The following ABCG2 variants were observed in gnomAD, a reference collection of about 807,000 sequenced individuals.
ABCG2 encodes ATP binding cassette subfamily G member 2 (JR blood group), also known as broad substrate specificity ATP-binding cassette transporter ABCG2.
In ABCG2, 80 loss-of-function variants were observed where a neutral mutation model predicts 73.5. The observed-to-expected ratio is 1.09, with a 90% CI of 0.91 to 1.31. The LOEUF (loss-of-function observed/expected upper bound fraction) is 1.31, where lower values mean the gene tolerates loss of function less well. ABCG2 is among the 50% of genes most tolerant of loss of function. ABCG2 has a pLI of 0.00. For synonymous variants in ABCG2, 269 were observed against 282.4 expected, an observed-to-expected ratio of 0.95 and a Z score of 0.48; for missense variants, 796 against 786.2, an observed-to-expected ratio of 1.01 and a Z score of -0.15.
intron 1 of ABCG2, among the ~76,000 whole-genome samples, chr4:88,191,418 C>T (rs1483004510): frequency 6.6e-6 from 1 of 151,886 alleles, no homozygotes; most frequent in East Asian, 1.9e-4. Context: ...CACTTCATAC[C>T]CACTAAAATA....
At chr4:88,100,299 A>T (rs1722307019) in intron 11 of ABCG2, among the ~76,000 whole-genome samples, 1 of 152,096 alleles carries the variant, frequency 6.6e-6, no homozygotes, top group Admixed American at 6.6e-5. Flanking sequence ...CAGGAGTTTG[A>T]GACCAGCCTG....
At chr4:88,164,998 G>C (rs906840771) in intron 1 of ABCG2, among the ~76,000 whole-genome samples, 14 of 152,126 alleles carry the variant, frequency 9.2e-5, no homozygotes, top group Non-Finnish European at 2.1e-4. Context: ...AGCTGGTCTT[G>C]AACTCCTGGC....
Position 88,097,523 on chromosome 4 carries a change from G to A in ABCG2, c.1577C>T (p.Ala526Val). 6.2e-7 allele frequency: 1 copy of A among 1,614,144 alleles called. No homozygotes were observed. The highest frequency in any genetic ancestry group is 8.5e-7 in the Non-Finnish European group (1 of 1,180,004). The change falls in exon 13 of 16, where the codon GCC becomes GTC. Residue 526 changes from alanine (A) to valine (V), a missense_variant. Physicochemically the swap from Ala to Val is moderately conservative, Grantham distance 64 (BLOSUM62 0). Transcript: ENST00000237612. Reference sequence around the variant, plus strand: ...AACCACACTCTGACCTGCTGCTATGGCCAGTGCCATGGAACTGGCTGAATA... The same window carrying A: ...AACCACACTCTGACCTGCTGCTATGACCAGTGCCATGGAACTGGCTGAATA... ...VAYSASSMALAIAAGQSVVSV... is the reference protein window; with the variant it reads ...VAYSASSMALVIAAGQSVVSV...
At chr4:88,096,843 A>G (rs1421918909) in intron 13 of ABCG2, among the ~76,000 whole-genome samples, 2 of 152,154 alleles carry the variant, frequency 1.3e-5, no homozygotes, top group African/African-American at 4.8e-5. Context: ...CAATTTTCCA[A>G]TATTTTTAAA....
chr4:88,107,292 A>G lies in ABCG2; in HGVS notation c.1195-26T>C, dbSNP rs1722831253. 2.6e-6 allele frequency: 4 copies of G among 1,524,932 alleles called. No individual in the cohort carries two copies. The South Asian group carries it at 3.6e-5, about 14-fold the overall frequency. The allele number at this position is 1,524,932 out of a possible 1,614,324, so 94.5% of individuals were successfully genotyped here. A position where few individuals can be genotyped will look rare whatever the true frequency, so the allele number is the denominator to read the frequency against. On this transcript the variant is annotated intron_variant, in intron 9 of 15. Coordinates refer to ENST00000237612, the MANE Select transcript of ABCG2 (RefSeq NM_004827.3). Reference sequence around the variant, plus strand: ...CTTTTCAAAAAGAAAAATGCAAAAAAAGGGGAAGAGTTTCAATTAGAGATA... The same window carrying G: ...CTTTTCAAAAAGAAAAATGCAAAAAGAGGGGAAGAGTTTCAATTAGAGATA...
chr4:88,227,484 A>G (rs142346485), intron 1 of ABCG2, among the ~76,000 whole-genome samples: 1 of 152,358 alleles, frequency 6.6e-6, no homozygotes, highest in Non-Finnish European at 1.5e-5. Flanking sequence ...TTCTTTTAAA[A>G]TATTGACTGG....
chr4:88,186,561 A>G (rs532771023), intron 1 of ABCG2, among the ~76,000 whole-genome samples: 2 of 152,096 alleles, frequency 1.3e-5, no homozygotes, highest in South Asian at 4.2e-4. Flanking sequence ...AGATCACTTG[A>G]GATCAGGAGT....
rs1477520584 is a variant in ABCG2, at chr4:88,135,594, T to G, written c.204-2959A>C. 2.0e-5 allele frequency among the ~76,000 whole-genome samples: 3 copies of G among 146,522 alleles called. No homozygotes were observed. In the East Asian group the frequency reaches 6.7e-4, roughly 33 times the overall value. Reference sequence around the variant, plus strand: ...TCCAATTTAGGGTTGGGGCTCCCATTGGGTCTTCTAATCAATCCTTTTATC... The same window carrying G: ...TCCAATTTAGGGTTGGGGCTCCCATGGGGTCTTCTAATCAATCCTTTTATC... On this transcript the variant is annotated intron_variant, in intron 2 of 15. Transcript: ENST00000237612.
At chr4:88,153,728 CCTATCCAGTGAAAGTGT>C (rs1224982297) in intron 1 of ABCG2, among the ~76,000 whole-genome samples, 1 of 151,958 alleles carries the variant, frequency 6.6e-6, no homozygotes, top group Admixed American at 6.6e-5. Context: ...AAGGCCTCTA[CCTATCCAGTGAAAGTGT>C]CTACCCAGAC....
At chr4:88,110,237 C>A (rs1723041559) in intron 9 of ABCG2, among the ~76,000 whole-genome samples, 1 of 151,094 alleles carries the variant, frequency 6.6e-6, no homozygotes, top group African/African-American at 2.4e-5. Flanking sequence ...TGAAAGTTAC[C>A]TTTTTTTTTA....
At chr4:88,128,668 G>A (rs1354973717) in intron 5 of ABCG2, among the ~76,000 whole-genome samples, 4 of 152,096 alleles carry the variant, frequency 2.6e-5, no homozygotes, top group Non-Finnish European at 5.9e-5. Context: ...AACTAACACA[G>A]GAACAGAAAA....
chr4:88,131,151 C>T lies in ABCG2; in HGVS notation c.441G>A (p.Arg147=), dbSNP rs756746748. The T allele has an allele frequency of 2.2e-5, 35 of 1,614,018 alleles. No individual in the cohort carries two copies. In the South Asian group the frequency reaches 3.0e-4, roughly 14 times the overall value. Reference sequence around the variant, plus strand: ...CATGATTCGTCATAGTTGTTGCAAGCCGAAGAGCTGCTGAGAACTGTAAGT... The same window carrying T: ...CATGATTCGTCATAGTTGTTGCAAGTCGAAGAGCTGCTGAGAACTGTAAGT... ...RENLQFSAAL[R]LATTMTNHEK... Residue 147 remains arginine, a synonymous_variant, in exon 5 of 16, where the codon CGG becomes CGA. Transcript: ENST00000237612.
At chr4:88,094,538 T>A in intron 15 of ABCG2, 39 bp downstream of exon 15, 1 of 1,536,354 alleles carries the variant, frequency 6.5e-7, no homozygotes, top group African/African-American at 1.4e-5. Flanking sequence ...CACACCATGG[T>A]AGTAACAAAA....
At chr4:88,198,682 A>G (rs1729033790) in intron 1 of ABCG2, among the ~76,000 whole-genome samples, 3 of 152,188 alleles carry the variant, frequency 2.0e-5, no homozygotes, top group Admixed American at 2.0e-4. Context: ...AGTAGATGGC[A>G]TGTAATAAGA....
chr4:88,138,806 C>T (rs2110053692), intron 2 of ABCG2, among the ~76,000 whole-genome samples: 1 of 152,144 alleles, frequency 6.6e-6, no homozygotes, highest in South Asian at 2.1e-4. Context: ...TCTATTCATG[C>T]AGTAAAGATG....
intron 1 of ABCG2, among the ~76,000 whole-genome samples, chr4:88,145,481 G>A (rs890678411): frequency 6.6e-6 from 1 of 152,150 alleles, no homozygotes; most frequent in African/African-American, 2.4e-5. Context: ...CTGGCTAGGT[G>A]CTCTAGGACC....
Position 88,202,374 on chromosome 4 carries a change from A to ATATATATATATATG in ABCG2, c.-20+28619_-20+28620insCATATATATATATA, listed in dbSNP as rs1240795047. Among the ~76,000 whole-genome samples, 200 of 115,718 alleles carry ATATATATATATATG rather than the reference A, an allele frequency of 1.7e-3. 3 individuals carry two copies. The highest frequency in any genetic ancestry group is 4.9e-3 in the African/African-American group (156 of 31,760). The allele number at this position is 115,718 out of a possible 152,430, so 75.9% of individuals were successfully genotyped here. On this transcript the variant is annotated intron_variant, in intron 1 of 15. Transcript: ENST00000515655. ...ATTATTTATATATATATATATATATATATGTATATTTTAATTAGCTGGGCA... is the reference window on the plus strand; with the variant it reads ...ATTATTTATATATATATATATATATATATATATATATATGTATGTATATTTTAATTAGCTGGGCA...
At chr4:88,099,667 C>T (rs1722260615) in intron 11 of ABCG2, among the ~76,000 whole-genome samples, 1 of 152,194 alleles carries the variant, frequency 6.6e-6, no homozygotes, top group Admixed American at 6.5e-5. Context: ...CCCCTCTTCT[C>T]ATGACACTGT....
chr4:88,214,988 A>C (rs757249741), intron 1 of ABCG2, among the ~76,000 whole-genome samples: 4 of 151,800 alleles, frequency 2.6e-5, no homozygotes, highest in Non-Finnish European at 5.9e-5. Flanking sequence ...GCTATATGGG[A>C]GGCTGAGGCA....
Sources: allele counts gnomAD v4.1 joint callset (sites outside exome capture counted in the v4.1 genomes callset), GRCh38; gene constraint gnomAD v4.1.1; transcripts MANE v1.5; gene names NCBI Gene and HGNC (gene_info 2026-07-23, HGNC 2026-07-21).